Variants in CDC42BPA observed in about 807,000 individuals in gnomAD.
The protein encoded by CDC42BPA is CDC42 binding protein kinase alpha.
A neutral mutation model predicts 223.5 loss-of-function variants in CDC42BPA; 80 were observed. The ratio of observed to expected loss-of-function variants is 0.36; its 90% CI spans 0.30 to 0.43. CDC42BPA has a LOEUF of 0.43. CDC42BPA is among the 20% of genes least tolerant of loss of function. The pLI is 1.00. For synonymous variants in CDC42BPA, 694 were observed against 718.6 expected (o/e 0.97, Z 0.55); for missense variants, 1,743 against 2,099.9 (o/e 0.83, Z 3.32).
chr1:227,168,497 G>GTTTTTTTTTGTTGTTTTT (rs1553374262), intron 5 of CDC42BPA, among the ~76,000 whole-genome samples: 6 of 80,196 alleles, frequency 7.5e-5, no homozygotes, highest in African/African-American at 3.0e-4. Flanking sequence ...CTTCCCTGGT[G>GTTTTTTTTTGTTGTTTTT]TTTTTTTTTT....
At chr1:227,091,841 C>T (rs1413007555) in intron 16 of CDC42BPA, 45 bp downstream of exon 16, 1 of 1,022,036 alleles carries the variant, frequency 9.8e-7, no homozygotes, top group Non-Finnish European at 1.5e-6. Context: ...CAGTGTTGAA[C>T]ATCTAGCATG....
intron 6 of CDC42BPA, among the ~76,000 whole-genome samples, chr1:227,157,904 G>C (rs1663104366): frequency 6.7e-6 from 1 of 149,148 alleles, no homozygotes; most frequent in African/African-American, 2.5e-5. Flanking sequence ...TTCCTTATTT[G>C]TGTAATCTTT....
intron 6 of CDC42BPA, among the ~76,000 whole-genome samples, chr1:227,153,760 CA>C (rs1448120812): frequency 6.6e-6 from 1 of 151,704 alleles, no homozygotes; most frequent in Non-Finnish European, 1.5e-5. Flanking sequence ...ATCTGCAAAA[CA>C]AAATAAAATA....
At chr1:227,152,354 T>TA (rs1661947310) in intron 6 of CDC42BPA, among the ~76,000 whole-genome samples, 1 of 152,230 alleles carries the variant, frequency 6.6e-6, no homozygotes, top group African/African-American at 2.4e-5. Flanking sequence ...TTCACAGTTT[T>TA]AGTTTTTGTA....
At chr1:227,094,066 CA>C (rs1350075108) in intron 15 of CDC42BPA, among the ~76,000 whole-genome samples, 1 of 152,110 alleles carries the variant, frequency 6.6e-6, no homozygotes, top group Admixed American at 6.5e-5. Context: ...CCTATGATGA[CA>C]GTTAAGATCA....
chr1:227,263,735 C>A (rs1333582809), intron 1 of CDC42BPA, among the ~76,000 whole-genome samples: 1 of 152,032 alleles, frequency 6.6e-6, no homozygotes, highest in Non-Finnish European at 1.5e-5. Flanking sequence ...GAGCCCACCA[C>A]CATGCCCGGC....
chr1:227,182,853 C>G (rs1668166299), intron 5 of CDC42BPA: 1 of 152,240 alleles, frequency 6.6e-6, no homozygotes, highest in Non-Finnish European at 1.5e-5. Context: ...TCTTCTGGCT[C>G]TTTCTTCTTC....
chr1:227,139,829 C>T, intron 9 of CDC42BPA, 87 bp from the exon 10 acceptor site: 1 of 739,816 alleles, frequency 1.4e-6, no homozygotes, highest in Admixed American at 3.6e-5. Context: ...TTGTTTTTAA[C>T]TGACTCCACA....
chr1:227,270,226 A>T (rs1685744037), intron 1 of CDC42BPA, among the ~76,000 whole-genome samples: 1 of 152,234 alleles, frequency 6.6e-6, no homozygotes, highest in Admixed American at 6.5e-5. Context: ...TATGTAAATT[A>T]ATGAAAAAGT....
chr1:227,086,279 T>G (rs11811176), intron 16 of CDC42BPA, among the ~76,000 whole-genome samples: 34,932 of 152,100 alleles, frequency 0.23, 4,383 homozygotes, highest in African/African-American at 0.32. Context: ...ATGAGAATAT[T>G]ATGCTATGAA....
chr1:227,023,421 T>C (rs1383641251), intron 31 of CDC42BPA, 74 bp from the exon 32 acceptor site: 1 of 714,408 alleles, frequency 1.4e-6, no homozygotes, highest in Non-Finnish European at 2.3e-6. Flanking sequence ...GTCCTGCTTA[T>C]AAAGCACACC....
At chr1:227,138,652 A>G (rs1271558184) in intron 10 of CDC42BPA, among the ~76,000 whole-genome samples, 1 of 152,136 alleles carries the variant, frequency 6.6e-6, no homozygotes, top group Non-Finnish European at 1.5e-5. Flanking sequence ...GAAATAGACT[A>G]GGGGAAATAG....
At chr1:227,038,696 T>C (rs1347619535) in intron 24 of CDC42BPA, among the ~76,000 whole-genome samples, 1 of 152,130 alleles carries the variant, frequency 6.6e-6, no homozygotes, top group East Asian at 1.9e-4. Context: ...CAACGGAAAT[T>C]TTAAACAAGT....
intron 8 of CDC42BPA, among the ~76,000 whole-genome samples, chr1:227,144,202 C>T (rs1660240617): frequency 6.6e-6 from 1 of 151,934 alleles, no homozygotes; most frequent in African/African-American, 2.4e-5. Flanking sequence ...AGTCATATAA[C>T]ATTAACATAA....
At chr1:227,189,869 C>T (rs1669433762) in intron 5 of CDC42BPA, among the ~76,000 whole-genome samples, 1 of 152,090 alleles carries the variant, frequency 6.6e-6, no homozygotes, top group Non-Finnish European at 1.5e-5. Flanking sequence ...CTCCACATCC[C>T]TATATTTTAA....
intron 2 of CDC42BPA, among the ~76,000 whole-genome samples, chr1:227,253,521 G>A (rs938241032): frequency 9.1e-6 from 1 of 109,528 alleles, no homozygotes; most frequent in African/African-American, 4.3e-5. Context: ...ACTTGAATCC[G>A]GGAGGTGGAG....
At chr1:227,314,702 T>C (rs1352838086) in intron 1 of CDC42BPA, among the ~76,000 whole-genome samples, 1 of 149,720 alleles carries the variant, frequency 6.7e-6, no homozygotes, top group Admixed American at 6.7e-5. Flanking sequence ...CGAACACAAA[T>C]ATGTAACAAC....
rs538476849 is a variant in CDC42BPA, at chr1:227,228,543, C to T, written c.271-15324G>A. 3.9e-5 allele frequency among the ~76,000 whole-genome samples: 6 copies of T among 152,338 alleles called. No homozygotes were observed. In the South Asian group the frequency reaches 1.2e-3, roughly 32 times the overall value. ...TTTTCAATTCTCTTGCGTTTGTACA[C>T]ATGTCGGAGTAGAATTGCTGGATCA... is the stretch of plus-strand genomic sequence containing the variant. On this transcript the variant is annotated intron_variant, in intron 2 of 36. Transcript: ENST00000366766.
chr1:227,085,397 T>C (rs1485802291), intron 16 of CDC42BPA, among the ~76,000 whole-genome samples: 1 of 152,250 alleles, frequency 6.6e-6, no homozygotes, highest in Non-Finnish European at 1.5e-5. Context: ...GTAAAGATCA[T>C]TTTTATTCTG....
Sources: allele counts gnomAD v4.1 joint callset (sites outside exome capture counted in the v4.1 genomes callset), GRCh38; gene constraint gnomAD v4.1.1; transcripts MANE v1.5; gene names NCBI Gene and HGNC (gene_info 2026-07-23, HGNC 2026-07-21).